The following CAPN3 variants were observed in gnomAD, a reference collection of about 807,000 sequenced individuals.
The protein encoded by CAPN3 is calpain-3.
In CAPN3, 88 loss-of-function variants were observed where a neutral mutation model predicts 114.0. The observed-to-expected ratio is 0.77, with a 90% confidence interval of 0.65 to 0.92. The LOEUF is 0.92. CAPN3 is among the 40% of genes least tolerant of loss of function. The pLI, the probability that CAPN3 is intolerant of heterozygous loss-of-function variation, is 0.00. For missense variants in CAPN3, 1,028 were observed against 1,069.0 expected, an observed-to-expected ratio of 0.96 and a Z score of 0.53; for synonymous variants, 386 against 382.9, an observed-to-expected ratio of 1.01 and a Z score of -0.09.
chr15:42,401,779 G>A lies in CAPN3; in HGVS notation c.1493G>A (p.Ser498Asn). The change falls in exon 11 of 24, where the codon AGT becomes AAT. Residue 498 changes from serine to asparagine, a missense_variant. By Grantham distance (46) the Ser-to-Asn change is conservative. Transcript: ENST00000397163. ...NRRKDRKLGASLFTIGFAIYE... is the reference protein window; with the variant it reads ...NRRKDRKLGANLFTIGFAIYE... ...CGGAAGGACCGGAAGCTAGGGGCCA[G>A]TCTCTTCACCATTGGCTTCGCCATC... 6.2e-7 allele frequency: 1 copy of A among 1,613,990 alleles called. No individual in the cohort carries two copies. The highest frequency in any genetic ancestry group is 8.5e-7 in the Non-Finnish European group (1 of 1,179,950).
At chr15:42,376,235 A>T (rs180988226) in intron 1 of CAPN3, among the ~76,000 whole-genome samples, 1 of 152,166 alleles carries the variant, frequency 6.6e-6, no homozygotes, top group Non-Finnish European at 1.5e-5. Flanking sequence ...CCCTCTTTTC[A>T]TACTATACTC....
chr15:42,383,853 G>A (rs2053312239), intron 1 of CAPN3, among the ~76,000 whole-genome samples: 1 of 151,520 alleles, frequency 6.6e-6, no homozygotes, highest in African/African-American at 2.4e-5. Context: ...GATTACAGGT[G>A]TGAGCCACCA....
intron 11 of CAPN3, 138 bp from the exon 12 acceptor site, chr15:42,401,986 G>A (rs1005232599): frequency 1.3e-5 from 17 of 1,327,916 alleles, no homozygotes; most frequent in Non-Finnish European, 1.8e-5. Flanking sequence ...GCATTAGAGA[G>A]GCAGTGGAGC....
In CAPN3 at chr15:42,410,895, A is replaced by C; in HGVS notation, c.2275A>C (p.Asn759His). The C allele has an allele frequency of 6.2e-7, 1 of 1,614,018 alleles. No individual in the cohort carries two copies. Among genetic ancestry groups the C allele is most frequent in the South Asian group, 1.1e-5 (1 of 91,086 alleles). ...GGTCCCCTCCACAGGATTCCACCTC[A>C]ACAACCAGCTCTATGACATCATTAC... ...NAVNDAGFHL[N>H]NQLYDIITMR... is the part of the protein sequence containing the mutation. The change falls in exon 22 of 24, where the codon AAC becomes CAC. Residue 759 changes from asparagine to histidine, a missense_variant. Transcript: ENST00000397163.
At chr15:42,360,137 G>T in intron 1 of CAPN3, 23 bp downstream of exon 1, 1 of 1,613,824 alleles carries the variant, frequency 6.2e-7, no homozygotes, top group South Asian at 1.1e-5. Context: ...CTGCTTGCTG[G>T]CTGGGTTTTC....
At chr15:42,399,038 G>A (rs1469593665) in intron 9 of CAPN3, among the ~76,000 whole-genome samples, 1 of 152,010 alleles carries the variant, frequency 6.6e-6, no homozygotes, top group Non-Finnish European at 1.5e-5. Context: ...ACCTGCCTCA[G>A]CCTCCCAAAG....
intron 1 of CAPN3, among the ~76,000 whole-genome samples, chr15:42,371,972 TA>T (rs980687653): frequency 1.3e-5 from 2 of 148,790 alleles, no homozygotes; most frequent in Non-Finnish European, 3.0e-5. Flanking sequence ...TTAAAAAAAT[TA>T]AAAAAAAATC....
intron 14 of CAPN3, chr15:42,404,809 C>G: frequency 9.3e-7 from 1 of 1,075,832 alleles, no homozygotes; most frequent in Non-Finnish European, 1.1e-6. Flanking sequence ...AGTGCCAGGT[C>G]TCCAAGTGCC....
chr15:42,378,463 G>C (rs116621486), intron 1 of CAPN3, among the ~76,000 whole-genome samples: 3,826 of 152,106 alleles, frequency 0.025, 158 homozygotes, highest in African/African-American at 0.087. Flanking sequence ...TAAAATTTTT[G>C]CCACCAGCCT....
chr15:42,363,980 A>AT (rs2052716494), intron 1 of CAPN3, among the ~76,000 whole-genome samples: 2 of 152,124 alleles, frequency 1.3e-5, no homozygotes, highest in African/African-American at 4.8e-5. Context: ...TAAATGTGGG[A>AT]TTTTGGACTC....
intron 6 of CAPN3, among the ~76,000 whole-genome samples, chr15:42,392,263 G>A (rs1595826171): frequency 6.6e-6 from 1 of 152,282 alleles, no homozygotes; most frequent in African/African-American, 2.4e-5. Context: ...AGTCAACCCT[G>A]GATGGCTTCA....
At position 42,412,252 on chromosome 15, in the gene CAPN3, C is replaced by A; in HGVS notation, c.*479C>A. 1 of 1,431,692 alleles carries A rather than the reference C, an allele frequency of 7.0e-7. No homozygotes were observed. Among genetic ancestry groups the A allele is most frequent in the Non-Finnish European group, 9.5e-7 (1 of 1,057,238 alleles). 88.7% of individuals were successfully genotyped at this position (1,431,692 alleles called of 1,614,324 possible). A position where few individuals can be genotyped will look rare whatever the true frequency, so the allele number is the denominator to read the frequency against. On this transcript the variant is annotated 3_prime_UTR_variant, in exon 24 of 24. Coordinates refer to ENST00000397163, the MANE Select transcript of CAPN3 (RefSeq NM_000070.3). ...ATAGGGCTGGTTACTTTGGGCTGTC[C>A]AACTCATAAGTTTGGCTGCATTTTG... is the stretch of plus-strand genomic sequence containing the variant.
intron 1 of CAPN3, among the ~76,000 whole-genome samples, chr15:42,377,699 G>C (rs530202652): frequency 6.6e-6 from 1 of 152,256 alleles, no homozygotes; most frequent in East Asian, 1.9e-4. Context: ...GTTAGGAAGT[G>C]TTCCCTCTGC....
At chr15:42,403,617 A>AG in intron 13 of CAPN3, 124 bp from the exon 14 acceptor site, 1 of 876,806 alleles carries the variant, frequency 1.1e-6, no homozygotes, top group Non-Finnish European at 2.0e-6. Flanking sequence ...GGGGTGTTCC[A>AG]GGGGTTCTCT....
chr15:42,382,160 G>A (rs1595815466), intron 1 of CAPN3, among the ~76,000 whole-genome samples: 1 of 151,132 alleles, frequency 6.6e-6, no homozygotes, highest in Non-Finnish European at 1.5e-5. Flanking sequence ...ATAATCTAAT[G>A]TTTTCCCCTT....
At chr15:42,396,336 G>T (rs985955176) in intron 8 of CAPN3, among the ~76,000 whole-genome samples, 1 of 149,068 alleles carries the variant, frequency 6.7e-6, no homozygotes, top group Non-Finnish European at 1.5e-5. Context: ...TCCGCCTCCC[G>T]GGTTCAAGTG....
intron 1 of CAPN3, among the ~76,000 whole-genome samples, chr15:42,381,605 A>C (rs925275224): frequency 6.6e-6 from 1 of 152,082 alleles, no homozygotes; most frequent in Non-Finnish European, 1.5e-5. Context: ...CAGTGGTGCG[A>C]TCTTGGCTCA....
intron 8 of CAPN3, among the ~76,000 whole-genome samples, chr15:42,394,663 C>G (rs2053643943): frequency 6.6e-6 from 1 of 152,108 alleles, no homozygotes; most frequent in Admixed American, 6.5e-5. Flanking sequence ...TTCTTGGGGT[C>G]TTGTGTTGCC....
intron 1 of CAPN3, among the ~76,000 whole-genome samples, chr15:42,373,329 T>C (rs1294941721): frequency 6.6e-6 from 1 of 152,228 alleles, no homozygotes; most frequent in Non-Finnish European, 1.5e-5. Context: ...CCTGGGAATC[T>C]GTATTTTCAA....
Sources: allele counts gnomAD v4.1 joint callset (sites outside exome capture counted in the v4.1 genomes callset), GRCh38; gene constraint gnomAD v4.1.1; transcripts MANE v1.5; gene names NCBI Gene and HGNC (gene_info 2026-07-23, HGNC 2026-07-21).